The following ARAP2 variants were observed in gnomAD, a reference collection of about 807,000 sequenced individuals.
ARAP2 encodes the protein ArfGAP with RhoGAP domain, ankyrin repeat and PH domain 2, also known as arf-GAP with Rho-GAP domain, ANK repeat and PH domain-containing protein 2.
A neutral mutation model predicts 194.5 loss-of-function variants in ARAP2; 148 were observed. That is an observed-to-expected ratio of 0.76 (90% CI 0.67 to 0.87). The LOEUF is 0.87. ARAP2 is among the 40% of genes least tolerant of loss of function. The pLI is 0.00. For missense variants in ARAP2, 2,128 were observed against 1,989.7 expected, an observed-to-expected ratio of 1.07 and a Z score of -1.32; for synonymous variants, 695 against 683.5, an observed-to-expected ratio of 1.02 and a Z score of -0.26.
intron 3 of ARAP2, chr4:36,047,207 C>T (rs1374924405): frequency 6.6e-6 from 1 of 152,272 alleles, no homozygotes; most frequent in Non-Finnish European, 1.5e-5. Flanking sequence ...TGTCCTCCTA[C>T]AGGACGCATA....
intron 27 of ARAP2, among the ~76,000 whole-genome samples, chr4:36,103,454 A>G (rs1717565224): frequency 6.6e-6 from 1 of 151,296 alleles, no homozygotes; most frequent in Non-Finnish European, 1.5e-5. Context: ...AGTTCAGTAT[A>G]ATATATAATA....
chr4:36,071,528 T>C (rs1341499880), intron 32 of ARAP2, among the ~76,000 whole-genome samples: 1 of 152,174 alleles, frequency 6.6e-6, no homozygotes, highest in Non-Finnish European at 1.5e-5. Flanking sequence ...GGATAAGGTA[T>C]TCTCATATGA....
At chr4:36,219,935 A>C (rs540188133) in intron 2 of ARAP2, among the ~76,000 whole-genome samples, 6 of 152,184 alleles carry the variant, frequency 3.9e-5, no homozygotes, top group Non-Finnish European at 8.8e-5. Context: ...TTAAGATCAC[A>C]AAATGGGCAA....
intron 9 of ARAP2, among the ~76,000 whole-genome samples, chr4:36,176,571 T>C (rs1482711716): frequency 6.6e-6 from 1 of 152,146 alleles, no homozygotes; most frequent in East Asian, 1.9e-4. Flanking sequence ...GTAACTTCCA[T>C]ACAGATACAT....
intron 1 of ARAP2, among the ~76,000 whole-genome samples, chr4:36,241,564 A>C (rs894843882): frequency 3.3e-5 from 5 of 152,222 alleles, no homozygotes; most frequent in Non-Finnish European, 5.9e-5. Flanking sequence ...AAGAGTTTAC[A>C]ATCTAAAAGG....
rs1044284715 is a variant in ARAP2, at chr4:36,067,602, A to G, written c.*305T>C. On this transcript the variant is annotated 3_prime_UTR_variant, in exon 33 of 33. Transcript: ENST00000303965. ...ACAGTACAGTTTGAGATTTCTGCTC[A>G]TAAATTATACCACTTAACAGACAAC... 2.7e-5 allele frequency: 6 copies of G among 221,182 alleles called. No individual in the cohort carries two copies. Among genetic ancestry groups the G allele is most frequent in the African/African-American group, 1.1e-4 (5 of 43,846 alleles). The allele number at this position is 221,182 out of a possible 1,614,324, so 13.7% of individuals were successfully genotyped here.
At chr4:36,077,701 A>G (rs569210302) in intron 31 of ARAP2, among the ~76,000 whole-genome samples, 5 of 152,296 alleles carry the variant, frequency 3.3e-5, no homozygotes, top group Non-Finnish European at 7.4e-5. Context: ...GACTCAATGA[A>G]GTGAACAAAA....
At chr4:36,079,326 T>C (rs1377416048) in intron 31 of ARAP2, among the ~76,000 whole-genome samples, 1 of 152,152 alleles carries the variant, frequency 6.6e-6, no homozygotes, top group Non-Finnish European at 1.5e-5. Flanking sequence ...AGAGCTGTGT[T>C]TATTAACCAC....
At chr4:36,229,890 T>G (rs984059175) in intron 1 of ARAP2, among the ~76,000 whole-genome samples, 9 of 152,186 alleles carry the variant, frequency 5.9e-5, no homozygotes, top group African/African-American at 1.9e-4. Flanking sequence ...CACTGACACA[T>G]GTACTGAATG....
At chr4:36,148,036 A>G (rs1241173038) in intron 17 of ARAP2, among the ~76,000 whole-genome samples, 1 of 152,176 alleles carries the variant, frequency 6.6e-6, no homozygotes, top group Non-Finnish European at 1.5e-5. Context: ...GTCAACCTTC[A>G]GCATTTTTCT....
intron 26 of ARAP2, 76 bp from the exon 27 acceptor site, chr4:36,107,769 A>T (rs1718800080): frequency 5.6e-6 from 8 of 1,424,812 alleles, no homozygotes; most frequent in Non-Finnish European, 6.6e-6. Flanking sequence ...CATAAATTTT[A>T]AAAAATCCAT....
intron 1 of ARAP2, chr4:36,058,282 T>G (rs1456079734): frequency 6.6e-6 from 1 of 152,254 alleles, no homozygotes; most frequent in African/African-American, 2.4e-5. Flanking sequence ...AACAAATGTC[T>G]TAAAAGGAAA....
chr4:36,104,803 T>C (rs1156346338), intron 27 of ARAP2, among the ~76,000 whole-genome samples: 3 of 152,046 alleles, frequency 2.0e-5, no homozygotes, highest in African/African-American at 2.4e-5. Context: ...ATTTATTTTA[T>C]AGGTTCTCTT....
intron 5 of ARAP2, among the ~76,000 whole-genome samples, chr4:36,021,324 G>A (rs763520939): frequency 2.0e-5 from 3 of 152,170 alleles, no homozygotes; most frequent in Non-Finnish European, 4.4e-5. Flanking sequence ...ATATGATTTG[G>A]ATCTTCGTCC....
At chr4:36,119,415 GA>G (rs1156554656) in intron 24 of ARAP2, among the ~76,000 whole-genome samples, 2 of 151,260 alleles carry the variant, frequency 1.3e-5, no homozygotes, top group African/African-American at 4.8e-5. Flanking sequence ...ATTTTATAAA[GA>G]AAACCTTGAA....
intron 2 of ARAP2, among the ~76,000 whole-genome samples, chr4:36,223,142 T>C (rs1350796627): frequency 6.6e-6 from 1 of 152,116 alleles, no homozygotes; most frequent in African/African-American, 2.4e-5. Context: ...AAATAAAGCA[T>C]GTATATTTAC....
intron 19 of ARAP2, among the ~76,000 whole-genome samples, chr4:36,137,562 G>T (rs542196524): frequency 1.3e-5 from 2 of 151,730 alleles, no homozygotes; most frequent in South Asian, 2.1e-4. Flanking sequence ...TAAAGGAAAA[G>T]ATATTTAAAG....
intron 13 of ARAP2, 60 bp from the exon 14 acceptor site, chr4:36,159,565 ATGAG>A: frequency 7.5e-7 from 1 of 1,337,202 alleles, no homozygotes; most frequent in Non-Finnish European, 9.9e-7. Flanking sequence ...AGCTATTAAA[ATGAG>A]TGAAAGTCTG....
chr4:36,014,994 C>T (rs149396456), intron 8 of ARAP2, among the ~76,000 whole-genome samples: 328 of 152,190 alleles, frequency 2.2e-3, no homozygotes, highest in Non-Finnish European at 3.3e-3. Context: ...GGTATGTGCA[C>T]CTGTTAAAGT....
Sources: gnomAD v4.1 joint callset for allele counts (sites outside exome capture counted in the v4.1 genomes callset) on GRCh38, gnomAD v4.1.1 for gene constraint, MANE v1.5 for transcripts, NCBI Gene and HGNC (gene_info 2026-07-23, HGNC 2026-07-21) for gene names.